Variants in TEX51 observed in about 807,000 individuals in gnomAD.
TEX51 encodes testis-expressed protein 51.
In TEX51, 14 loss-of-function variants were observed where a neutral mutation model predicts 8.0. The observed-to-expected ratio is 1.76, with a 90% CI of 1.16 to 2.75. The LOEUF (loss-of-function observed/expected upper bound fraction) is 2.75. TEX51 is among the 30% of genes most tolerant of loss of function. The pLI is 0.00. For synonymous variants in TEX51, 58 were observed against 28.6 expected, an observed-to-expected ratio of 2.03 and a Z score of -3.29; for missense variants, 142 against 77.4, an observed-to-expected ratio of 1.83 and a Z score of -3.13.
Position 126,898,926 on chromosome 2 carries a change from C to T in TEX51, c.8C>T (p.Pro3Leu), listed in dbSNP as rs373850821. ML[P>L]LLIICLLPAI... ...GTAGGAGGAACCCAGAAGATGCTGC[C>T]TCTCCTGATCATCTGTCTCCTGCCT... Residue 3 changes from proline to leucine, a missense_variant, in exon 1 of 7, where the codon CCT becomes CTT. Pro to Leu is a moderately conservative substitution (Grantham distance 98). Coordinates refer to ENST00000568484, the MANE Select transcript of TEX51 (RefSeq NM_001322244.2). 2.9e-5 allele frequency: 20 copies of T among 699,858 alleles called. No individual in the cohort carries two copies. Among genetic ancestry groups the T allele is most frequent in the South Asian group, 2.7e-4 (18 of 67,496 alleles). The allele number at this position is 699,858 out of a possible 1,614,324, so 43.4% of individuals were successfully genotyped here.
chr2:126,900,319 G>A (rs1272637089), intron 4 of TEX51, among the ~76,000 whole-genome samples: 5 of 151,544 alleles, frequency 3.3e-5, no homozygotes, highest in Admixed American at 6.6e-5. Context: ...GCTTGGACCC[G>A]GGAGGTGGAG....
rs1280875004 is a variant in TEX51, at chr2:126,899,244, C to A, written c.173C>A (p.Ala58Asp). ...QNRDHLEEET[A>D]KFFTQVHQAI... is the part of the protein sequence containing the mutation. The stretch of plus-strand genomic sequence containing the variant: ...CGTGACCATTTGGAAGAAGAAACAG[C>A]CAAATTCTTCACTCAAGTACACCAA... Residue 58 changes from alanine (A) to aspartate (D), a missense_variant, in exon 2 of 7, where the codon GCC becomes GAC. Transcript: ENST00000568484. 1.4e-6 allele frequency: 1 copy of A among 702,172 alleles called. No individual in the cohort carries two copies. Among genetic ancestry groups the A allele is most frequent in the Admixed American group, 2.0e-5 (1 of 49,980 alleles). The allele number at this position is 702,172 out of a possible 1,614,324, so 43.5% of individuals were successfully genotyped here. A position where few individuals can be genotyped will look rare whatever the true frequency, so the allele number is the denominator to read the frequency against.
intron 4 of TEX51, 103 bp downstream of exon 4, chr2:126,900,122 G>T (rs1680248662): frequency 7.3e-6 from 5 of 682,478 alleles, no homozygotes; most frequent in Non-Finnish European, 1.3e-5. Flanking sequence ...AGCTTTTCTT[G>T]TTCTTTATCC....
chr2:126,900,339 A>G (rs150761000), intron 4 of TEX51, among the ~76,000 whole-genome samples: 75 of 151,406 alleles, frequency 5.0e-4, no homozygotes, highest in Middle Eastern at 3.4e-3. Flanking sequence ...GGTTGCAGTG[A>G]GCCGAGATCA....
Position 126,901,196 on chromosome 2 carries a change from CTTTCACACCCCAGCCAGGAA to C in TEX51, c.395-13_401del. 1 of 629,366 alleles carries C rather than the reference CTTTCACACCCCAGCCAGGAA, an allele frequency of 1.6e-6. No homozygotes were observed. Among genetic ancestry groups the C allele is most frequent in the Non-Finnish European group, 2.9e-6 (1 of 346,782 alleles). 39.0% of individuals were successfully genotyped at this position (629,366 alleles called of 1,614,324 possible). ...CTGGCCTCCAAACACCTGGCTTCCTCTTTCACACCCCAGCCAGGAACCGGCGGACCTCCCTGTGGGCTGTG... is the reference window on the plus strand; with the variant it reads ...CTGGCCTCCAAACACCTGGCTTCCTCCCGGCGGACCTCCCTGTGGGCTGTG... On this transcript the variant is annotated splice_acceptor_variant and splice_polypyrimidine_tract_variant and coding_sequence_variant and intron_variant, in exon 5 of 7. Transcript: ENST00000568484. LOFTEE classifies it high-confidence loss of function.
intron 4 of TEX51, among the ~76,000 whole-genome samples, chr2:126,900,838 T>A (rs1680291941): frequency 6.6e-6 from 1 of 152,212 alleles, no homozygotes; most frequent in Non-Finnish European, 1.5e-5. Flanking sequence ...GGCAGCTCCA[T>A]ACCTCTATCC....
intron 4 of TEX51, 73 bp downstream of exon 4, chr2:126,900,092 A>C (rs1404725968): frequency 1.4e-6 from 1 of 695,922 alleles, no homozygotes; most frequent in East Asian, 2.7e-5. Context: ...TGTCTCTGTC[A>C]TTCTCTTTTG....
intron 6 of TEX51, 160 bp downstream of exon 6, chr2:126,901,564 T>C: frequency 1.6e-6 from 1 of 610,190 alleles, no homozygotes; most frequent in Non-Finnish European, 2.9e-6. Flanking sequence ...GGAGTGCCAC[T>C]CATCAGCCTC....
intron 3 of TEX51, 156 bp from the exon 4 acceptor site, chr2:126,899,780 G>T: frequency 1.4e-6 from 1 of 702,076 alleles, no homozygotes; most frequent in Non-Finnish European, 2.6e-6. Flanking sequence ...GAACCCCTTG[G>T]CTCTGTCTGC....
chr2:126,900,650 A>G (rs112260145), intron 4 of TEX51, among the ~76,000 whole-genome samples: 2 of 151,990 alleles, frequency 1.3e-5, no homozygotes, highest in African/African-American at 4.8e-5. Flanking sequence ...ACTTACAGCA[A>G]CATTTCCCAT....
At position 126,899,922 on chromosome 2, in the gene TEX51, C is replaced by G; in HGVS notation, c.311-14C>G. On this transcript the variant is annotated splice_polypyrimidine_tract_variant and intron_variant, in intron 3 of 6. Transcript: ENST00000568484. ...ACCTGGCACCCCCTAGCCCCTGTCC[C>G]TCCCCTCCCATAGACATACAGTCCA... The G allele has an allele frequency of 1.4e-6, 1 of 702,200 alleles. No homozygotes were observed. Among genetic ancestry groups the G allele is most frequent in the Non-Finnish European group, 2.6e-6 (1 of 384,798 alleles). 43.5% of individuals were successfully genotyped at this position (702,200 alleles called of 1,614,324 possible).
intron 4 of TEX51, 40 bp from the exon 5 acceptor site, chr2:126,901,170 C>T: frequency 3.3e-6 from 2 of 611,634 alleles, no homozygotes; most frequent in Non-Finnish European, 5.9e-6. Flanking sequence ...GGTAGCCCTG[C>T]CTGGCCTCCA....
chr2:126,901,293 T>A lies in TEX51; in HGVS notation c.463+15T>A, dbSNP rs1680316819. On this transcript the variant is annotated intron_variant, in intron 5 of 6. Coordinates refer to ENST00000568484, the MANE Select transcript of TEX51 (RefSeq NM_001322244.2). ...CATAGCTGGAGGTGGGTGAGTGACC[T>A]CTCCAAGCCCCAGCATCCCCAGGGA... 1 of 699,884 alleles carries A rather than the reference T, an allele frequency of 1.4e-6. No individual in the cohort carries two copies. Among genetic ancestry groups the A allele is most frequent in the African/African-American group, 1.7e-5 (1 of 57,172 alleles). 43.4% of individuals were successfully genotyped at this position (699,884 alleles called of 1,614,324 possible).
At chr2:126,899,368 C>T in intron 2 of TEX51, 77 bp downstream of exon 2, 1 of 697,692 alleles carries the variant, frequency 1.4e-6, no homozygotes, top group Non-Finnish European at 2.6e-6. Context: ...CTCAGAGGCC[C>T]ATGTGGCCAT....
rs1318295751 is a variant in TEX51, at chr2:126,899,065, T to G, written c.145+2T>G. On this transcript the variant is annotated splice_donor_variant, in intron 1 of 6. Coordinates refer to ENST00000568484, the MANE Select transcript of TEX51 (RefSeq NM_001322244.2). LOFTEE classifies it high-confidence loss of function. ...GGCCACCCACAGAACTTTCTCAAAGTATTCACTCCTTGTTCCTAGAGGATA... is the reference window on the plus strand; with the variant it reads ...GGCCACCCACAGAACTTTCTCAAAGGATTCACTCCTTGTTCCTAGAGGATA... 2.8e-6 allele frequency: 2 copies of G among 702,128 alleles called. No homozygotes were observed. The highest frequency in any genetic ancestry group is 5.4e-5 in the East Asian group (2 of 37,288). The allele number at this position is 702,128 out of a possible 1,614,324, so 43.5% of individuals were successfully genotyped here. A position where few individuals can be genotyped will look rare whatever the true frequency, so the allele number is the denominator to read the frequency against.
chr2:126,899,650 C>A, intron 3 of TEX51, 38 bp downstream of exon 3: 1 of 695,824 alleles, frequency 1.4e-6, no homozygotes, highest in African/African-American at 1.7e-5. Context: ...CGGCCCAGCC[C>A]TCCACACCTG....
chr2:126,899,741 T>A, intron 3 of TEX51, 129 bp downstream of exon 3: 2 of 700,596 alleles, frequency 2.9e-6, no homozygotes, highest in Non-Finnish European at 2.6e-6. Flanking sequence ...ATGAATGCCT[T>A]CCCGGCTCCA....
At position 126,898,974 on chromosome 2, in the gene TEX51, T is replaced by C. The variant is rs1680167590; in HGVS notation, c.56T>C (p.Leu19Pro). ...LLPAIEGKNC[L>P]RCWPELSALI... Reference sequence around the variant, plus strand: ...CCTGCCATTGAAGGGAAGAACTGCCTCCGCTGCTGGCCAGAACTGTCTGCC... The same window carrying C: ...CCTGCCATTGAAGGGAAGAACTGCCCCCGCTGCTGGCCAGAACTGTCTGCC... Residue 19 changes from leucine to proline, a missense_variant, in exon 1 of 7, where the codon CTC (leucine) becomes CCC (proline). Coordinates refer to ENST00000568484, the MANE Select transcript of TEX51 (RefSeq NM_001322244.2). 2 of 701,688 alleles carry C rather than the reference T, an allele frequency of 2.9e-6. No homozygotes were observed. Among genetic ancestry groups the C allele is most frequent in the African/African-American group, 3.5e-5 (2 of 57,226 alleles). 43.5% of individuals were successfully genotyped at this position (701,688 alleles called of 1,614,324 possible).
At chr2:126,900,158 C>T (rs1197089514) in intron 4 of TEX51, 139 bp downstream of exon 4, 9 of 645,408 alleles carry the variant, frequency 1.4e-5, no homozygotes, top group Admixed American at 4.3e-5. Flanking sequence ...GCAGCACCTT[C>T]TGGGATTTCT....
Sources: gnomAD v4.1 joint callset for allele counts (sites outside exome capture counted in the v4.1 genomes callset) on GRCh38, gnomAD v4.1.1 for gene constraint, MANE v1.5 for transcripts, NCBI Gene and HGNC (gene_info 2026-07-23, HGNC 2026-07-21) for gene names.